The following ZNF607 variants were observed in gnomAD, a reference collection of about 807,000 sequenced individuals.
ZNF607 encodes zinc finger protein 607.
A neutral mutation model predicts 12.8 loss-of-function variants in ZNF607; 5 were observed. That is an observed-to-expected ratio of 0.39 (90% CI 0.20 to 0.82). The LOEUF is 0.82. ZNF607 is among the 40% of genes least tolerant of loss of function. ZNF607 has a pLI of 0.39. For synonymous variants in ZNF607, 287 were observed against 276.2 expected (o/e 1.04, Z -0.39); for missense variants, 851 against 859.2 (o/e 0.99, Z 0.12).
chr19:37,708,625 G>A (rs532223216), intron 3 of ZNF607, among the ~76,000 whole-genome samples: 81 of 151,552 alleles, frequency 5.3e-4, no homozygotes, highest in Non-Finnish European at 8.3e-4. Context: ...CACTTTGGGA[G>A]GCCCTGAGGT....
chr19:37,700,727 T>A (rs1207018283), intron 4 of ZNF607, among the ~76,000 whole-genome samples: 1 of 151,920 alleles, frequency 6.6e-6, no homozygotes, highest in Non-Finnish European at 1.5e-5. Flanking sequence ...AAGAGCAAGG[T>A]ACAGGAAAGC....
chr19:37,718,324 G>A (rs981912672), intron 1 of ZNF607, among the ~76,000 whole-genome samples: 1 of 152,050 alleles, frequency 6.6e-6, no homozygotes, highest in Non-Finnish European at 1.5e-5. Context: ...AATCCAAAAC[G>A]GAATATCCAA....
chr19:37,698,444 A>C lies in ZNF607; in HGVS notation c.1687T>G (p.Cys563Gly), dbSNP rs146672126. Reference protein sequence around the residue: ...NIHSAEKPYECKECGKAFRHA... With the variant: ...NIHSAEKPYEGKECGKAFRHA... ...CGAAAGGCCTTGCCACATTCCTTAC[A>C]TTCGTAGGGTTTCTCAGCGCTATGA... The change falls in exon 5 of 5, where the codon TGT (cysteine) becomes GGT (glycine). Residue 563 changes from cysteine (C) to glycine (G), a missense_variant. Cys to Gly is a radical substitution (Grantham distance 159). Transcript: ENST00000355202. 2 of 1,614,042 alleles carry C rather than the reference A, an allele frequency of 1.2e-6. No individual in the cohort carries two copies. Among genetic ancestry groups the C allele is most frequent in the African/African-American group, 2.7e-5 (2 of 74,920 alleles).
At chr19:37,701,534 G>A (rs1160113830) in intron 4 of ZNF607, among the ~76,000 whole-genome samples, 6 of 152,166 alleles carry the variant, frequency 3.9e-5, no homozygotes, top group African/African-American at 1.4e-4. Context: ...ATAGGGGAAC[G>A]ACACAGCAGC....
intron 4 of ZNF607, among the ~76,000 whole-genome samples, chr19:37,702,653 AT>A (rs2045049239): frequency 6.6e-6 from 1 of 152,154 alleles, no homozygotes; most frequent in African/African-American, 2.4e-5. Flanking sequence ...AAATAAAATA[AT>A]TTTTTGCTCC....
Position 37,697,198 on chromosome 19 carries a change from A to G in ZNF607, c.*842T>C. On this transcript the variant is annotated 3_prime_UTR_variant, in exon 5 of 5. Coordinates refer to ENST00000355202, the MANE Select transcript of ZNF607 (RefSeq NM_032689.5). ...GGCGCACTACGTGGTTGAGAACAGC[A>G]GTCAAAGATAATTGGTTTTTGTACA... is the stretch of plus-strand genomic sequence containing the variant. 1 of 732,530 alleles carries G rather than the reference A, an allele frequency of 1.4e-6. No homozygotes were observed. Among genetic ancestry groups the G allele is most frequent in the South Asian group, 1.4e-5 (1 of 70,964 alleles). 45.4% of individuals were successfully genotyped at this position (732,530 alleles called of 1,614,324 possible). A position where few individuals can be genotyped will look rare whatever the true frequency, so the allele number is the denominator to read the frequency against.
Position 37,711,520 on chromosome 19 carries a change from C to T in ZNF607, c.9+90G>A, listed in dbSNP as rs1010693827. On this transcript the variant is annotated intron_variant, in intron 2 of 4. Transcript: ENST00000355202. Reference sequence around the variant, plus strand: ...ATTAGGTTAACTGAGCACCGTCTCACGAAGGTAACTTCAGGAAAAATGATG... The same window carrying T: ...ATTAGGTTAACTGAGCACCGTCTCATGAAGGTAACTTCAGGAAAAATGATG... 8.9e-6 allele frequency: 12 copies of T among 1,340,858 alleles called. No homozygotes were observed. The African/African-American group carries it at 1.0e-4, about 11-fold the overall frequency. The allele number at this position is 1,340,858 out of a possible 1,614,324, so 83.1% of individuals were successfully genotyped here.
At chr19:37,716,593 C>A (rs1039169682) in intron 1 of ZNF607, among the ~76,000 whole-genome samples, 4 of 152,166 alleles carry the variant, frequency 2.6e-5, no homozygotes, top group Admixed American at 2.6e-4. Context: ...CATTAATTCT[C>A]TTCTGTAAAG....
rs1306082105 is a variant in ZNF607 at position 37,696,677 on chromosome 19, A to G, written c.*1363T>C. On this transcript the variant is annotated 3_prime_UTR_variant, in exon 5 of 5. Transcript: ENST00000355202. ...GCCGGCAGGCAGGTGATGTTCCGAG[A>G]GCATGAGAGCTGGTATGCAATGTCT... 7 of 713,620 alleles carry G rather than the reference A, an allele frequency of 9.8e-6. No homozygotes were observed. Among genetic ancestry groups the G allele is most frequent in the Admixed American group, 2.1e-5 (1 of 48,682 alleles). The allele number at this position is 713,620 out of a possible 1,614,324, so 44.2% of individuals were successfully genotyped here.
In ZNF607 at chr19:37,698,978, CCT is replaced by C; in HGVS notation, c.1151_1152del (p.Gln384ArgfsTer4). On this transcript the variant is annotated frameshift_variant, in exon 5 of 5. Coordinates refer to ENST00000355202, the MANE Select transcript of ZNF607 (RefSeq NM_032689.5). LOFTEE classifies it low-confidence loss of function (END_TRUNC). Reference protein sequence around the residue: ...FSVHGRLTRHQGIHSGKKPYE... With the variant: ...FSVHGRLTRHXGIHSGKKPYE... ...TAGGGTTTCTTACCACTATGAATAC[CCT>C]GATGTCGAGTAAGTCGTCCATGCAC... 6 of 1,611,274 alleles carry C rather than the reference CCT, an allele frequency of 3.7e-6. No homozygotes were observed. Among genetic ancestry groups the C allele is most frequent in the Non-Finnish European group, 5.1e-6 (6 of 1,179,004 alleles).
At chr19:37,714,415 AT>A (rs2045158424) in intron 1 of ZNF607, among the ~76,000 whole-genome samples, 1 of 151,630 alleles carries the variant, frequency 6.6e-6, no homozygotes. Flanking sequence ...TTTAAAAAAA[AT>A]TAGCTGGGCA....
At chr19:37,700,715 T>G (rs1053016854) in intron 4 of ZNF607, among the ~76,000 whole-genome samples, 1 of 151,932 alleles carries the variant, frequency 6.6e-6, no homozygotes, top group African/African-American at 2.4e-5. Flanking sequence ...ATTTAGGAAT[T>G]TAAGAGCAAG....
chr19:37,719,413 G>A lies in ZNF607; in HGVS notation c.-219C>T, dbSNP rs1324541060. On this transcript the variant is annotated 5_prime_UTR_variant, in exon 1 of 5. Transcript: ENST00000355202. The stretch of plus-strand genomic sequence containing the variant: ...CACCCTAGGGCCTGAGGAGGCGGGA[G>A]ACTCGCCCGGCCCGCCTGGGGGCCT... 6.6e-6 allele frequency: 1 copy of A among 152,660 alleles called. No homozygotes were observed. Among genetic ancestry groups the A allele is most frequent in the South Asian group, 2.1e-4 (1 of 4,834 alleles). The allele number at this position is 152,660 out of a possible 1,614,324, so 9.5% of individuals were successfully genotyped here.
intron 4 of ZNF607, among the ~76,000 whole-genome samples, chr19:37,700,143 G>C (rs2045027265): frequency 6.6e-6 from 1 of 152,102 alleles, no homozygotes; most frequent in Non-Finnish European, 1.5e-5. Context: ...AAGATCTCTG[G>C]TGTAAATACT....
chr19:37,702,660 G>A (rs2045049289), intron 4 of ZNF607, among the ~76,000 whole-genome samples: 1 of 152,068 alleles, frequency 6.6e-6, no homozygotes, highest in Non-Finnish European at 1.5e-5. Flanking sequence ...ATAATTTTTT[G>A]CTCCTTAAGT....
chr19:37,710,255 G>A (rs1004070831), intron 2 of ZNF607, among the ~76,000 whole-genome samples: 5 of 151,990 alleles, frequency 3.3e-5, no homozygotes, highest in South Asian at 2.1e-4. Context: ...ACCTGAGGTC[G>A]GGAGTTCAAG....
chr19:37,705,028 C>T (rs987481620), intron 4 of ZNF607, among the ~76,000 whole-genome samples: 1 of 151,232 alleles, frequency 6.6e-6, no homozygotes, highest in East Asian at 1.9e-4. Flanking sequence ...CAAATCAAAC[C>T]CAAAGCAAGA....
At chr19:37,704,867 C>T (rs1424075569) in intron 4 of ZNF607, among the ~76,000 whole-genome samples, 1 of 152,046 alleles carries the variant, frequency 6.6e-6, no homozygotes, top group Non-Finnish European at 1.5e-5. Flanking sequence ...AGGAGAATGG[C>T]GTGAACCCAG....
chr19:37,699,913 A>G lies in ZNF607; in HGVS notation c.236-18T>C, dbSNP rs938535523. ...ATCCAAATCTAGAAGACATAAAATA[A>G]AAACATTTTATTGGATGAGAAAATG... On this transcript the variant is annotated intron_variant, in intron 4 of 4. Coordinates refer to ENST00000355202, the MANE Select transcript of ZNF607 (RefSeq NM_032689.5). 12 of 1,532,284 alleles carry G rather than the reference A, an allele frequency of 7.8e-6. No individual in the cohort carries two copies. Among genetic ancestry groups the G allele is most frequent in the Middle Eastern group, 4.2e-4 (2 of 4,714 alleles). The allele number at this position is 1,532,284 out of a possible 1,614,324, so 94.9% of individuals were successfully genotyped here. A position where few individuals can be genotyped will look rare whatever the true frequency, so the allele number is the denominator to read the frequency against.
Sources: gnomAD v4.1 joint callset for allele counts (sites outside exome capture counted in the v4.1 genomes callset) on GRCh38, gnomAD v4.1.1 for gene constraint, MANE v1.5 for transcripts, NCBI Gene and HGNC (gene_info 2026-07-23, HGNC 2026-07-21) for gene names.